Variants in KHDC1 observed in about 807,000 individuals in gnomAD.
The protein encoded by KHDC1 is KH homology domain-containing protein 1.
KHDC1 carries 21 observed loss-of-function variants against 24.7 expected under a neutral mutation model. The ratio of observed to expected loss-of-function variants is 0.85; its 90% CI spans 0.60 to 1.23. KHDC1 has a LOEUF of 1.23. Among genes scored for constraint, KHDC1 ranks in the 50% most tolerant of loss-of-function variants. The pLI, the probability that KHDC1 is intolerant of heterozygous loss-of-function variation, is 0.00. For synonymous variants in KHDC1, 98 were observed against 111.7 expected (o/e 0.88, Z 0.77); for missense variants, 274 against 298.5 (o/e 0.92, Z 0.61).
intron 2 of KHDC1, among the ~76,000 whole-genome samples, chr6:73,256,440 T>G (rs1349179938): frequency 6.6e-6 from 1 of 152,234 alleles, no homozygotes; most frequent in South Asian, 2.1e-4. Context: ...TTTCAACATT[T>G]GCTTTATAGA....
intron 2 of KHDC1, among the ~76,000 whole-genome samples, chr6:73,288,208 C>T (rs6914691): frequency 0.01 from 1,527 of 152,358 alleles, 24 homozygotes; most frequent in African/African-American, 0.035. Flanking sequence ...ATTGCAGTTG[C>T]TGTGCCAGGT....
chr6:73,253,548 G>A lies in KHDC1; in HGVS notation c.207-11018C>T, dbSNP rs565362466. 3.5e-3 allele frequency among the ~76,000 whole-genome samples: 521 copies of A among 149,936 alleles called. 1 individual carries two copies. The highest frequency in any genetic ancestry group is 0.012 in the African/African-American group (491 of 40,764). ...AGCCTGGGTGAAAGAGCGAGAGTCC[G>A]TCTCAAAAAAAAAAATAAATAAATA... On this transcript the variant is annotated intron_variant, in intron 2 of 4. Transcript: ENST00000370384.
chr6:73,254,607 C>T (rs773896153), intron 2 of KHDC1, among the ~76,000 whole-genome samples: 4 of 151,846 alleles, frequency 2.6e-5, no homozygotes, highest in Non-Finnish European at 5.9e-5. Flanking sequence ...TGGCAAGGTG[C>T]TAAAGAGTGT....
At chr6:73,285,640 C>CTT (rs67918543) in intron 2 of KHDC1, among the ~76,000 whole-genome samples, 2 of 140,290 alleles carry the variant, frequency 1.4e-5, no homozygotes, top group East Asian at 2.2e-4. Context: ...GGCCCATTTT[C>CTT]TTTTTTTTCT....
chr6:73,257,092 A>G (rs1766892216), intron 2 of KHDC1, among the ~76,000 whole-genome samples: 1 of 152,192 alleles, frequency 6.6e-6, no homozygotes, highest in Non-Finnish European at 1.5e-5. Flanking sequence ...CAAGAGTTTG[A>G]GACCAGCCTA....
At chr6:73,292,774 A>C (rs779469606) in intron 1 of KHDC1, 2 of 719,768 alleles carry the variant, frequency 2.8e-6, no homozygotes, top group Non-Finnish European at 5.2e-6. Flanking sequence ...TAAAAGATCT[A>C]GGTAAAGTTA....
At chr6:73,260,061 T>C (rs1031089702) in intron 2 of KHDC1, among the ~76,000 whole-genome samples, 3 of 152,206 alleles carry the variant, frequency 2.0e-5, no homozygotes, top group Non-Finnish European at 4.4e-5. Flanking sequence ...CTCTTCAAGC[T>C]TTTCTTGATG....
At chr6:73,290,704 G>A in intron 2 of KHDC1, 1 of 434,138 alleles carries the variant, frequency 2.3e-6, no homozygotes, top group South Asian at 1.8e-5. Flanking sequence ...CACATGTATT[G>A]CTGGTCACTT....
intron 2 of KHDC1, among the ~76,000 whole-genome samples, chr6:73,248,860 T>TC (rs1253716960): frequency 2.0e-5 from 3 of 151,874 alleles, no homozygotes; most frequent in Non-Finnish European, 4.4e-5. Context: ...TGTCTGAACT[T>TC]CAAGGGATTT....
intron 1 of KHDC1, among the ~76,000 whole-genome samples, chr6:73,298,200 C>G (rs1203533809): frequency 6.6e-6 from 1 of 151,838 alleles, no homozygotes; most frequent in Non-Finnish European, 1.5e-5. Context: ...TCCTAGGGAC[C>G]AGGTAGAACC....
At chr6:73,287,802 G>A (rs1417837895) in intron 2 of KHDC1, among the ~76,000 whole-genome samples, 1 of 152,198 alleles carries the variant, frequency 6.6e-6, no homozygotes. Flanking sequence ...AGTAATAAAT[G>A]GAGTCCTAAG....
intron 2 of KHDC1, chr6:73,291,878 T>G (rs1482048498): frequency 9.3e-7 from 1 of 1,072,486 alleles, no homozygotes; most frequent in Non-Finnish European, 1.4e-6. Context: ...CACAATACAT[T>G]CATGTAACAA....
chr6:73,307,997 G>A (rs1275298961), intron 1 of KHDC1, among the ~76,000 whole-genome samples: 1 of 151,872 alleles, frequency 6.6e-6, no homozygotes, highest in Non-Finnish European at 1.5e-5. Context: ...CTGCCTCCCG[G>A]GCTCAAGCGA....
intron 2 of KHDC1, among the ~76,000 whole-genome samples, chr6:73,281,051 A>T (rs62438239): frequency 0.23 from 35,544 of 151,722 alleles, 4,817 homozygotes; most frequent in African/African-American, 0.37. Flanking sequence ...TCTACTAAAA[A>T]TACAAAAATT....
At position 73,278,340 on chromosome 6, in the gene KHDC1, C is replaced by T. The variant is rs201754171; in HGVS notation, c.206+13658G>A. ...CCAGAATGCCTTCTCATGTCCTTTG[C>T]CTATATTTCTATTGATGTGTTTCTT... On this transcript the variant is annotated intron_variant, in intron 2 of 4. Transcript: ENST00000370384. 2.0e-5 allele frequency among the ~76,000 whole-genome samples: 3 copies of T among 151,782 alleles called. No homozygotes were observed. In the East Asian group the frequency reaches 5.8e-4, roughly 29 times the overall value.
chr6:73,309,744 TGCGCTA>T, exon 1 of KHDC1: 1 of 1,548,608 alleles, frequency 6.5e-7, no homozygotes, highest in Non-Finnish European at 8.7e-7. Context: ...AAAGTAAGGG[TGCGCTA>T]AGGCACGAGT....
At chr6:73,290,166 A>G (rs1317459856) in intron 2 of KHDC1, among the ~76,000 whole-genome samples, 1 of 150,710 alleles carries the variant, frequency 6.6e-6, no homozygotes, top group African/African-American at 2.4e-5. Context: ...AGTCCCAGCT[A>G]CTCGGGAAGC....
intron 2 of KHDC1, among the ~76,000 whole-genome samples, chr6:73,272,424 C>T (rs1418442276): frequency 2.6e-5 from 4 of 151,842 alleles, no homozygotes; most frequent in Admixed American, 6.6e-5. Context: ...CGTGAGCCAC[C>T]GCGCCCAGCC....
intron 2 of KHDC1, among the ~76,000 whole-genome samples, chr6:73,267,374 T>C (rs952710987): frequency 4.6e-5 from 7 of 152,048 alleles, no homozygotes; most frequent in African/African-American, 1.7e-4. Flanking sequence ...TCCCAGCTAC[T>C]TGGGAGGCTG....
Sources: gnomAD v4.1 joint callset for allele counts (sites outside exome capture counted in the v4.1 genomes callset) on GRCh38, gnomAD v4.1.1 for gene constraint, MANE v1.5 for transcripts, NCBI Gene and HGNC (gene_info 2026-07-23, HGNC 2026-07-21) for gene names.